The following SMARCAD1 variants were observed in gnomAD, a reference collection of about 807,000 sequenced individuals.
The protein encoded by SMARCAD1 is SWI/SNF-related matrix-associated actin-dependent regulator of chromatin subfamily A containing DEAD/H box 1.
SMARCAD1 carries 25 observed loss-of-function variants against 127.1 expected under a neutral mutation model. The observed-to-expected ratio is 0.20, with a 90% CI of 0.14 to 0.27. SMARCAD1 has a LOEUF of 0.27. SMARCAD1 is among the 10% of genes least tolerant of loss of function. The probability of loss-of-function intolerance (pLI) is 1.00; values close to 1 mark genes in which losing one functional copy is unlikely to be tolerated. For synonymous variants in SMARCAD1, 400 were observed against 396.9 expected (o/e 1.01, Z -0.09); for missense variants, 807 against 1,206.0 (o/e 0.67, Z 4.90).
chr4:94,278,914 C>T lies in SMARCAD1; in HGVS notation c.2297-15C>T. Reference sequence around the variant, plus strand: ...GCTTGGTTTTATTTTTTACTGTGTTCTCTTTGAGTCACAGAAAAAAACACA... The same window carrying T: ...GCTTGGTTTTATTTTTTACTGTGTTTTCTTTGAGTCACAGAAAAAAACACA... On this transcript the variant is annotated splice_polypyrimidine_tract_variant and intron_variant, in intron 18 of 23. Coordinates refer to ENST00000354268, the MANE Select transcript of SMARCAD1 (RefSeq NM_020159.5). The T allele has an allele frequency of 6.2e-7, 1 of 1,613,488 alleles. No homozygotes were observed. The highest frequency in any genetic ancestry group is 8.5e-7 in the Non-Finnish European group (1 of 1,179,594).
At chr4:94,228,372 G>C (rs1025949974) in intron 3 of SMARCAD1, among the ~76,000 whole-genome samples, 4 of 152,032 alleles carry the variant, frequency 2.6e-5, no homozygotes, top group Non-Finnish European at 4.4e-5. Flanking sequence ...TGAACACTTT[G>C]CCTGCAGTAT....
chr4:94,250,812 A>G lies in SMARCAD1; in HGVS notation c.868A>G (p.Lys290Glu). ...WMYTEALESL[K>E]VFAEDQDMQY... is the part of the protein sequence containing the mutation. ...GTACACAGAAGCTTTAGAATCTCTA[A>G]AAGTGTTTGCAGAAGACCAAGGTAA... Residue 290 changes from lysine to glutamate, a missense_variant, in exon 8 of 24, where the codon AAA becomes GAA. This residue lies in a region of SMARCAD1 where 257 missense variants were observed against 303.4 expected (regional missense o/e 0.85). Coordinates refer to ENST00000354268, the MANE Select transcript of SMARCAD1 (RefSeq NM_020159.5). 1.2e-6 allele frequency: 2 copies of G among 1,612,420 alleles called. No homozygotes were observed. Among genetic ancestry groups the G allele is most frequent in the Non-Finnish European group, 1.7e-6 (2 of 1,178,828 alleles).
At chr4:94,219,099 A>G (rs777882213) in intron 2 of SMARCAD1, among the ~76,000 whole-genome samples, 1 of 152,234 alleles carries the variant, frequency 6.6e-6, no homozygotes, top group Non-Finnish European at 1.5e-5. Flanking sequence ...GGTGTGAGCC[A>G]CTGTGCCTGG....
At chr4:94,248,503 C>A (rs1480844811) in intron 6 of SMARCAD1, 3 of 456,164 alleles carry the variant, frequency 6.6e-6, no homozygotes, top group East Asian at 1.4e-4. Flanking sequence ...GTAAAGGTGG[C>A]AGTATGAATT....
At chr4:94,250,493 C>G (rs1372429211) in intron 7 of SMARCAD1, among the ~76,000 whole-genome samples, 2 of 152,026 alleles carry the variant, frequency 1.3e-5, no homozygotes, top group African/African-American at 4.8e-5. Flanking sequence ...TCTTGATCCT[C>G]TAGTGTTCAC....
intron 3 of SMARCAD1, among the ~76,000 whole-genome samples, chr4:94,227,579 A>G (rs1000353185): frequency 2.0e-5 from 3 of 152,164 alleles, no homozygotes; most frequent in African/African-American, 7.2e-5. Flanking sequence ...TAAAGGAGTC[A>G]AGGATCACCC....
At chr4:94,283,501 C>T (rs906423585) in intron 22 of SMARCAD1, among the ~76,000 whole-genome samples, 198 bp downstream of exon 22, 1 of 152,196 alleles carries the variant, frequency 6.6e-6, no homozygotes, top group Non-Finnish European at 1.5e-5. Flanking sequence ...TATCCACCCA[C>T]ATTCCAAATA....
chr4:94,222,672 A>T (rs888178893), intron 2 of SMARCAD1, among the ~76,000 whole-genome samples: 20 of 152,146 alleles, frequency 1.3e-4, no homozygotes, highest in Non-Finnish European at 2.8e-4. Flanking sequence ...GGTTAATTTT[A>T]AAAATTGAGG....
chr4:94,258,841 TCA>T (rs1202495204), intron 9 of SMARCAD1, among the ~76,000 whole-genome samples: 1 of 152,242 alleles, frequency 6.6e-6, no homozygotes, highest in African/African-American at 2.4e-5. Flanking sequence ...CTGCAGATAT[TCA>T]CAATAATTTG....
At position 94,282,222 on chromosome 4, in the gene SMARCAD1, G is replaced by A. The variant is rs531540670; in HGVS notation, c.2726+632G>A. On this transcript the variant is annotated intron_variant, in intron 21 of 23. Transcript: ENST00000354268. ...TCACGCCATTCTGCCTCAGCCTCCC[G>A]AGTAGCTGGGACTACAGGCGCCTGC... Among the ~76,000 whole-genome samples, 27 of 88,764 alleles carry A rather than the reference G, an allele frequency of 3.0e-4. 1 individual carries two copies. The highest frequency in any genetic ancestry group is 6.4e-4 in the African/African-American group (18 of 28,298). 58.2% of individuals were successfully genotyped at this position (88,764 alleles called of 152,430 possible). A position where few individuals can be genotyped will look rare whatever the true frequency, so the allele number is the denominator to read the frequency against.
At chr4:94,235,659 T>C (rs2664886) in intron 4 of SMARCAD1, among the ~76,000 whole-genome samples, 2 of 151,612 alleles carry the variant, frequency 1.3e-5, no homozygotes, top group Non-Finnish European at 2.9e-5. Flanking sequence ...TTTTTTTTTT[T>C]TGTGGAAACA....
At chr4:94,276,254 A>G in intron 14 of SMARCAD1, 85 bp from the exon 15 acceptor site, 1 of 1,471,034 alleles carries the variant, frequency 6.8e-7, no homozygotes, top group South Asian at 1.2e-5. Flanking sequence ...TGTAAATAAA[A>G]AATGATTTTA....
In SMARCAD1 at chr4:94,218,197, G is replaced by A. The variant is rs140247144; in HGVS notation, c.191-7922G>A. On this transcript the variant is annotated intron_variant, in intron 2 of 23. Transcript: ENST00000354268. ...TAGGTATAAAGTCTATTATTTAGAA[G>A]TCCCTCCTTTAGGTTTAACGCTTTT... Among the ~76,000 whole-genome samples, 1,504 of 152,220 alleles carry A rather than the reference G, an allele frequency of 9.9e-3. 11 individuals carry two copies. Among genetic ancestry groups the A allele is most frequent in the Non-Finnish European group, 0.016 (1,099 of 68,004 alleles).
intron 12 of SMARCAD1, 43 bp downstream of exon 12, chr4:94,273,759 T>C: frequency 6.8e-7 from 1 of 1,475,128 alleles, no homozygotes; most frequent in Non-Finnish European, 9.5e-7. Context: ...TTATCATGTT[T>C]TATATAGGTA....
chr4:94,262,902 A>AG (rs1457821833), intron 9 of SMARCAD1, among the ~76,000 whole-genome samples: 54 of 99,336 alleles, frequency 5.4e-4, no homozygotes, highest in African/African-American at 1.7e-3. Context: ...AAAAAAAAAA[A>AG]AAAAAGAAAG....
In SMARCAD1 at chr4:94,244,540, A is replaced by G. The variant is rs556858599; in HGVS notation, c.705+3534A>G. 7.2e-5 allele frequency among the ~76,000 whole-genome samples: 11 copies of G among 152,354 alleles called. No homozygotes were observed. In the East Asian group the frequency reaches 1.7e-3, roughly 24 times the overall value. On this transcript the variant is annotated intron_variant, in intron 6 of 23. Transcript: ENST00000354268. ...AGGATTTAAGGCTCCTAAAGGTAAC[A>G]TAACTGTGATATTTGGCACCAGTGC...
At chr4:94,269,694 G>A (rs1031819859) in intron 10 of SMARCAD1, among the ~76,000 whole-genome samples, 2 of 151,782 alleles carry the variant, frequency 1.3e-5, no homozygotes, top group African/African-American at 4.8e-5. Context: ...ATTGAGACAG[G>A]GTCTGGCTCT....
rs1214112172 is a variant in SMARCAD1, at chr4:94,291,175, TTTG to T, written c.*1647_*1649del. 5 of 453,808 alleles carry T rather than the reference TTTG, an allele frequency of 1.1e-5. No homozygotes were observed. Among genetic ancestry groups the T allele is most frequent in the Non-Finnish European group, 2.2e-5 (5 of 226,694 alleles). 28.1% of individuals were successfully genotyped at this position (453,808 alleles called of 1,614,324 possible). On this transcript the variant is annotated 3_prime_UTR_variant, in exon 24 of 24. Coordinates refer to ENST00000354268, the MANE Select transcript of SMARCAD1 (RefSeq NM_020159.5). ...TTTTCAATGATAGGCTGTTTCTTTT[TTTG>T]TTGTTATTGTTGTTGTTGTTATATC...
chr4:94,233,608 G>A (rs1023122357), intron 3 of SMARCAD1, among the ~76,000 whole-genome samples: 3 of 152,096 alleles, frequency 2.0e-5, no homozygotes, highest in Admixed American at 6.6e-5. Flanking sequence ...GCATAACTTC[G>A]TCTGACATAG....
Sources: allele counts gnomAD v4.1 joint callset (sites outside exome capture counted in the v4.1 genomes callset), GRCh38; gene constraint gnomAD v4.1.1; regional missense constraint gnomAD v4.1.1; transcripts MANE v1.5; gene names NCBI Gene and HGNC (gene_info 2026-07-23, HGNC 2026-07-21).